ISM1: variants seen among roughly 807,000 people sequenced by gnomAD.
ISM1 encodes the protein isthmin-1.
A neutral mutation model predicts 46.3 loss-of-function variants in ISM1; 25 were observed. The observed-to-expected ratio is 0.54, with a 90% CI of 0.39 to 0.75. The LOEUF (loss-of-function observed/expected upper bound fraction) is 0.75, where lower values mean the gene tolerates loss of function less well. ISM1 is among the 30% of genes least tolerant of loss of function. ISM1 has a pLI of 0.00. For missense variants in ISM1, 536 were observed against 625.4 expected, an observed-to-expected ratio of 0.86 and a Z score of 1.52; for synonymous variants, 255 against 256.7, an observed-to-expected ratio of 0.99 and a Z score of 0.06.
chr20:13,301,299 G>A (rs1050261025), downstream of ISM1, among the ~76,000 whole-genome samples: 2 of 151,854 alleles, frequency 1.3e-5, no homozygotes, highest in Non-Finnish European at 2.9e-5. Flanking sequence ...AGCGATTCTC[G>A]TGCCTCAGCC....
chr20:13,253,983 C>T (rs548145327), intron 1 of ISM1, among the ~76,000 whole-genome samples: 8 of 150,156 alleles, frequency 5.3e-5, no homozygotes, highest in East Asian at 3.9e-4. Context: ...CTTGGGAGGC[C>T]GAGGTGAGCG....
intron 1 of ISM1, among the ~76,000 whole-genome samples, chr20:13,253,354 C>T (rs2039888561): frequency 6.6e-6 from 1 of 152,172 alleles, no homozygotes; most frequent in Non-Finnish European, 1.5e-5. Context: ...GGTGACCACT[C>T]AGAGGGTCTC....
the ISM1 span, among the ~76,000 whole-genome samples, chr20:13,318,509 C>T: frequency 2.0e-5 from 3 of 152,262 alleles, no homozygotes; most frequent in Non-Finnish European, 2.9e-5. Context: ...AAATTGTGTC[C>T]ACACAAAAAC....
intron 3 of ISM1, among the ~76,000 whole-genome samples, chr20:13,287,379 A>G (rs907806447): frequency 6.6e-6 from 1 of 152,166 alleles, no homozygotes; most frequent in East Asian, 1.9e-4. Flanking sequence ...AACTGCCCCC[A>G]TGATTCAGTT....
At chr20:13,302,696 C>T (rs1175147232), downstream of ISM1, among the ~76,000 whole-genome samples, 1 of 152,148 alleles carries the variant, frequency 6.6e-6, no homozygotes, top group Non-Finnish European at 1.5e-5. Flanking sequence ...AGTAGCTGCT[C>T]AAATTTTTCT....
the ISM1 span, among the ~76,000 whole-genome samples, chr20:13,320,253 GT>G: frequency 1.3e-5 from 2 of 152,224 alleles, no homozygotes; most frequent in Admixed American, 1.3e-4. Context: ...TAGAGTGTGA[GT>G]TGAGCAAAAA....
At chr20:13,248,237 A>C (rs1024065138) in intron 1 of ISM1, among the ~76,000 whole-genome samples, 7 of 152,170 alleles carry the variant, frequency 4.6e-5, no homozygotes, top group African/African-American at 1.4e-4. Context: ...CTTTATGAAC[A>C]TTTCTTGTTG....
Position 13,224,989 on chromosome 20 carries a change from G to T in ISM1, c.138+3075G>T, listed in dbSNP as rs574847628. ...GCCTCCCAAGTAGCTGGGACTACAGGCGCCTGCCACCACGCCCGGCTAATT... is the reference window on the plus strand; with the variant it reads ...GCCTCCCAAGTAGCTGGGACTACAGTCGCCTGCCACCACGCCCGGCTAATT... On this transcript the variant is annotated intron_variant, in intron 1 of 5. Transcript: ENST00000262487. Among the ~76,000 whole-genome samples the T allele has an allele frequency of 5.9e-5, 9 of 151,300 alleles. No homozygotes were observed. The South Asian group carries it at 1.9e-3, about 32-fold the overall frequency.
At chr20:13,314,266 AG>A in the ISM1 span, among the ~76,000 whole-genome samples, 4 of 152,148 alleles carry the variant, frequency 2.6e-5, no homozygotes, top group African/African-American at 9.6e-5. Flanking sequence ...CTATAAATCC[AG>A]GAAGTTCAGA....
At chr20:13,310,874 A>G in the ISM1 span, among the ~76,000 whole-genome samples, 1 of 152,222 alleles carries the variant, frequency 6.6e-6, no homozygotes, top group African/African-American at 2.4e-5. Context: ...ATATTACTTC[A>G]TACCTGTAAG....
At chr20:13,268,139 CT>C in intron 1 of ISM1, among the ~76,000 whole-genome samples, 1 of 150,394 alleles carries the variant, frequency 6.6e-6, no homozygotes, top group African/African-American at 2.5e-5. Context: ...CTCTTCTCTT[CT>C]CTTCTCTTCT....
chr20:13,302,482 C>T (rs747842087), downstream of ISM1, among the ~76,000 whole-genome samples: 5 of 152,256 alleles, frequency 3.3e-5, no homozygotes, highest in Admixed American at 6.5e-5. Context: ...GACTAGGAGA[C>T]CCTTATCTCA....
chr20:13,309,354 A>G, the ISM1 span, among the ~76,000 whole-genome samples: 1 of 152,174 alleles, frequency 6.6e-6, no homozygotes, highest in East Asian at 1.9e-4. Context: ...TGAAGAGAGT[A>G]TTTGACAAAA....
intron 2 of ISM1, among the ~76,000 whole-genome samples, chr20:13,277,824 T>C (rs1043681577): frequency 1.3e-5 from 2 of 152,114 alleles, no homozygotes; most frequent in Non-Finnish European, 2.9e-5. Flanking sequence ...GAGTAGACTC[T>C]GGGGTTGAAA....
At chr20:13,321,275 A>AAAAAAAAAAAAAAAAAAAAAAAAAAT in the ISM1 span, among the ~76,000 whole-genome samples, 1 of 150,522 alleles carries the variant, frequency 6.6e-6, no homozygotes, top group African/African-American at 2.4e-5. Flanking sequence ...AAAAAAAAAA[A>AAAAAAAAAAAAAAAAAAAAAAAAAAT]AGATTTTATG....
intron 1 of ISM1, among the ~76,000 whole-genome samples, chr20:13,265,064 T>A (rs1186349787): frequency 6.6e-6 from 1 of 152,156 alleles, no homozygotes; most frequent in Non-Finnish European, 1.5e-5. Context: ...GTGTATAATA[T>A]TTAACTCTGT....
intron 1 of ISM1, among the ~76,000 whole-genome samples, chr20:13,227,682 G>A (rs915046861): frequency 1.3e-5 from 2 of 150,036 alleles, no homozygotes; most frequent in African/African-American, 4.9e-5. Context: ...CTAATTTTTT[G>A]TATTTTTAGT....
chr20:13,226,086 G>A (rs986655145), intron 1 of ISM1, among the ~76,000 whole-genome samples: 5 of 152,170 alleles, frequency 3.3e-5, no homozygotes, highest in Non-Finnish European at 7.3e-5. Context: ...ATTTAAGCAA[G>A]TATTATAAAA....
intron 1 of ISM1, 128 bp from the exon 2 acceptor site, chr20:13,270,376 G>T: frequency 1.9e-6 from 2 of 1,035,852 alleles, no homozygotes; most frequent in Non-Finnish European, 2.7e-6. Flanking sequence ...AAACAAGTTT[G>T]GAATGCCCTA....
Sources: allele counts gnomAD v4.1 joint callset (sites outside exome capture counted in the v4.1 genomes callset), GRCh38; gene constraint gnomAD v4.1.1; transcripts MANE v1.5; gene names NCBI Gene and HGNC (gene_info 2026-07-23, HGNC 2026-07-21).